The following SRPX variants were observed in gnomAD, a reference collection of about 807,000 sequenced individuals.
SRPX encodes the protein sushi repeat containing protein X-linked, also known as sushi repeat-containing protein SRPX.
Under a neutral mutation model 38.1 loss-of-function variants are expected in SRPX, and 24 were observed. That is an observed-to-expected ratio of 0.63 (90% CI 0.46 to 0.89). The LOEUF (loss-of-function observed/expected upper bound fraction) is 0.89. Ranked by LOEUF, SRPX falls within the 40% of genes least tolerant of loss-of-function variation. The probability of loss-of-function intolerance (pLI) is 0.00; values close to 1 mark genes in which losing one functional copy is unlikely to be tolerated. For synonymous variants in SRPX, 184 were observed against 153.8 expected, an observed-to-expected ratio of 1.20 and a Z score of -1.45; for missense variants, 416 against 377.8, an observed-to-expected ratio of 1.10 and a Z score of -0.84.
chrX:38,173,087 CT>C (rs1318820033), intron 3 of SRPX, among the ~76,000 whole-genome samples: 1 of 112,401 alleles, frequency 8.9e-6, no homozygotes, highest in African/African-American at 3.2e-5. Context: ...TCTGCATAGT[CT>C]CGATGACATG....
chrX:38,220,502 G>T (rs898381333), intron 1 of SRPX, among the ~76,000 whole-genome samples, 194 bp downstream of exon 1: 1 of 113,723 alleles, frequency 8.8e-6, no homozygotes, highest in African/African-American at 3.2e-5. Flanking sequence ...AGATGGGATG[G>T]TCAGTTCTTC....
intron 1 of SRPX, among the ~76,000 whole-genome samples, chrX:38,193,880 T>G (rs1364134884): frequency 8.9e-6 from 1 of 111,897 alleles, no homozygotes; most frequent in African/African-American, 3.2e-5. Context: ...TGTGCTTACA[T>G]GAAAATCAAT....
chrX:38,204,509 T>C (rs1221950821), intron 1 of SRPX, among the ~76,000 whole-genome samples: 1 of 112,417 alleles, frequency 8.9e-6, no homozygotes, highest in African/African-American at 3.2e-5. Context: ...AAGTAAAAAG[T>C]CGTTTTTAAA....
chrX:38,211,351 A>G (rs1939315994), intron 1 of SRPX, among the ~76,000 whole-genome samples: 1 of 111,756 alleles, frequency 8.9e-6, no homozygotes, highest in Admixed American at 9.4e-5. Context: ...ACAGAGGCGG[A>G]GCCAGGGAAA....
chrX:38,152,484 G>A (rs1445660845), intron 9 of SRPX, among the ~76,000 whole-genome samples: 2 of 112,215 alleles, frequency 1.8e-5, no homozygotes, highest in Admixed American at 9.4e-5. Context: ...TCTCGGGTAC[G>A]ACCAGAGACC....
intron 1 of SRPX, among the ~76,000 whole-genome samples, chrX:38,183,219 A>C (rs1034172464): frequency 9.1e-6 from 1 of 110,360 alleles, no homozygotes; most frequent in Admixed American, 9.7e-5. Flanking sequence ...ACGCTCAGCT[A>C]ATTTTTGTAT....
At chrX:38,180,391 G>A (rs1938646585) in intron 1 of SRPX, among the ~76,000 whole-genome samples, 1 of 111,298 alleles carries the variant, frequency 9.0e-6, no homozygotes, top group African/African-American at 3.3e-5. Context: ...TATTTCCCAG[G>A]AGTCCAGTAT....
intron 4 of SRPX, among the ~76,000 whole-genome samples, chrX:38,170,421 G>T (rs1485876979): frequency 8.9e-6 from 1 of 112,322 alleles, no homozygotes; most frequent in African/African-American, 3.2e-5. Context: ...TACCCCTGGA[G>T]TAAAATTCAC....
At chrX:38,204,125 T>C (rs1014682239) in intron 1 of SRPX, among the ~76,000 whole-genome samples, 6 of 112,147 alleles carry the variant, frequency 5.4e-5, no homozygotes, top group African/African-American at 1.9e-4. Flanking sequence ...ACCATATTCA[T>C]GGATTGAAAG....
rs35523939 is a variant in SRPX, at chrX:38,220,722, C to CGCA, written c.68_70dup (p.Leu23dup). On this transcript the variant is annotated inframe_insertion, in exon 1 of 10. Coordinates refer to ENST00000378533, the MANE Select transcript of SRPX (RefSeq NM_006307.5). ...TGGGAAGCTGCGGCTGGGCGGGACG[C>CGCA]GCAGCAGCAGCAGCAGCAGCAGAGG... 1.2e-4 allele frequency: 137 copies of CGCA among 1,152,891 alleles called. No individual in the cohort carries two copies. The highest frequency in any genetic ancestry group is 3.0e-4 in the Admixed American group (12 of 40,124).
chrX:38,149,779 C>T lies in SRPX; in HGVS notation c.1327G>A (p.Asp443Asn), dbSNP rs200219563. Residue 443 changes from aspartate (D) to asparagine (N), a missense_variant, in exon 10 of 10, where the codon GAC becomes AAC. By Grantham distance (23) the Asp-to-Asn change is conservative (BLOSUM62 1). Coordinates refer to ENST00000378533, the MANE Select transcript of SRPX (RefSeq NM_006307.5). ...TCTTCTTTTCTCAAGGGAAAAGTGT[C>T]AATCAGGTTGAACAGGGCCACAGGC... is the stretch of plus-strand genomic sequence containing the variant. ...VMPVALFNLI[D>N]TFPLRKEEMV... is the part of the protein sequence containing the mutation. 2.9e-4 allele frequency: 346 copies of T among 1,209,442 alleles called. 2 individuals are homozygous for T. The highest frequency in any genetic ancestry group is 1.6e-5 in the Non-Finnish European group (14 of 895,088).
intron 1 of SRPX, among the ~76,000 whole-genome samples, chrX:38,179,160 G>A (rs1301045714): frequency 9.1e-6 from 1 of 110,496 alleles, no homozygotes; most frequent in African/African-American, 3.3e-5. Context: ...TGGTCAGGCT[G>A]GTCGCGAACT....
At chrX:38,172,936 A>C (rs1261955487) in intron 3 of SRPX, among the ~76,000 whole-genome samples, 1 of 112,611 alleles carries the variant, frequency 8.9e-6, no homozygotes, top group Non-Finnish European at 1.9e-5. Flanking sequence ...CTGAAGGAGC[A>C]GTCTTCTGAA....
intron 1 of SRPX, among the ~76,000 whole-genome samples, chrX:38,201,173 CT>C (rs1202373021): frequency 9.0e-6 from 1 of 111,405 alleles, no homozygotes; most frequent in African/African-American, 3.3e-5. Context: ...CAATCCAATC[CT>C]TTCTCTAAAT....
At chrX:38,182,753 T>C (rs188441323) in intron 1 of SRPX, among the ~76,000 whole-genome samples, 110 of 111,804 alleles carry the variant, frequency 9.8e-4, no homozygotes, top group African/African-American at 3.3e-3. Flanking sequence ...GAGGCTATTG[T>C]GTAAGGATAA....
intron 7 of SRPX, among the ~76,000 whole-genome samples, chrX:38,158,451 T>C (rs962458502): frequency 9.0e-6 from 1 of 111,550 alleles, no homozygotes; most frequent in African/African-American, 3.3e-5. Flanking sequence ...TAGGTTTGCA[T>C]TGAAGTATTT....
intron 1 of SRPX, among the ~76,000 whole-genome samples, chrX:38,199,763 G>A (rs1258605392): frequency 9.1e-6 from 1 of 110,261 alleles, no homozygotes; most frequent in Non-Finnish European, 1.9e-5. Context: ...AAAAAAAAAG[G>A]AGAAAAGGTC....
chrX:38,165,539 G>A (rs777172602), intron 4 of SRPX, among the ~76,000 whole-genome samples: 28 of 111,822 alleles, frequency 2.5e-4, no homozygotes, highest in Non-Finnish European at 4.3e-4. Flanking sequence ...ATGCTATGGA[G>A]GTGTAGAGGA....
intron 6 of SRPX, 140 bp downstream of exon 6, chrX:38,160,793 C>T: frequency 1.3e-6 from 1 of 770,151 alleles, no homozygotes; most frequent in Non-Finnish European, 1.8e-6. Context: ...GGGCACTTCC[C>T]CAAGCCTTAT....
Sources: gnomAD v4.1 joint callset for allele counts (sites outside exome capture counted in the v4.1 genomes callset) on GRCh38, gnomAD v4.1.1 for gene constraint, MANE v1.5 for transcripts, NCBI Gene and HGNC (gene_info 2026-07-23, HGNC 2026-07-21) for gene names.